EPS15L1: variants seen among roughly 807,000 people sequenced by gnomAD.
EPS15L1 encodes epidermal growth factor receptor substrate 15-like 1.
EPS15L1 carries 43 observed loss-of-function variants against 117.1 expected under a neutral mutation model. The ratio of observed to expected loss-of-function variants is 0.37; its 90% confidence interval spans 0.29 to 0.47. EPS15L1 has a LOEUF of 0.47. Ranked by LOEUF, EPS15L1 falls within the 20% of genes least tolerant of loss-of-function variation. The pLI, the probability that EPS15L1 is intolerant of heterozygous loss-of-function variation, is 0.99. For missense variants in EPS15L1, 981 were observed against 1,164.0 expected (o/e 0.84, Z 2.29); for synonymous variants, 459 against 470.5 (o/e 0.98, Z 0.32).
At chr19:16,364,565 C>G (rs1192399169) in intron 22 of EPS15L1, among the ~76,000 whole-genome samples, 2 of 152,222 alleles carry the variant, frequency 1.3e-5, no homozygotes, top group African/African-American at 4.8e-5. Flanking sequence ...CCTCACACCC[C>G]CACCTTGAGA....
At chr19:16,391,911 G>A (rs1471553302) in intron 19 of EPS15L1, among the ~76,000 whole-genome samples, 3 of 152,198 alleles carry the variant, frequency 2.0e-5, no homozygotes, top group Admixed American at 6.5e-5. Flanking sequence ...CAGGGTGGCC[G>A]GGTCCATGCG....
intron 13 of EPS15L1, among the ~76,000 whole-genome samples, chr19:16,408,461 C>A (rs914702768): frequency 6.6e-6 from 1 of 151,916 alleles, no homozygotes; most frequent in African/African-American, 2.4e-5. Flanking sequence ...CAGTAAAATA[C>A]AAATTTGTAA....
intron 21 of EPS15L1, 37 bp downstream of exon 21, chr19:16,385,092 C>A: frequency 6.5e-7 from 1 of 1,548,688 alleles, no homozygotes; most frequent in Non-Finnish European, 8.9e-7. Context: ...CACAAAGACA[C>A]TAGCAGAGGC....
intron 22 of EPS15L1, among the ~76,000 whole-genome samples, chr19:16,374,860 C>T (rs1462543434): frequency 6.6e-6 from 1 of 152,196 alleles, no homozygotes; most frequent in Non-Finnish European, 1.5e-5. Flanking sequence ...TATGAGCACA[C>T]ACGCACGCAT....
chr19:16,425,102 T>A lies in EPS15L1; in HGVS notation c.773A>T (p.His258Leu), dbSNP rs1456794180. The part of the protein sequence containing the change: ...LNSTGSLSPK[H>L]SLKQTQPTVN... ...CCGTACCTGTGTTTGCTTGAGGCTG[T>A]GCTTGGGGGACAGGCTCCCTGTGCT... The change falls in exon 9 of 24, where the codon CAC becomes CTC. Residue 258 changes from histidine (H) to leucine (L), a missense_variant. Transcript: ENST00000455140. 6.2e-7 allele frequency: 1 copy of A among 1,614,194 alleles called. No individual in the cohort carries two copies. Among genetic ancestry groups the A allele is most frequent in the East Asian group, 2.2e-5 (1 of 44,880 alleles).
At chr19:16,425,690 A>G (rs2092864644) in intron 8 of EPS15L1, among the ~76,000 whole-genome samples, 1 of 152,182 alleles carries the variant, frequency 6.6e-6, no homozygotes. Flanking sequence ...GAGTAGTCCC[A>G]GCTACTTGGG....
intron 16 of EPS15L1, among the ~76,000 whole-genome samples, chr19:16,400,336 C>CAAAAAAAAAAAAAAAAA (rs1162302779): frequency 1.5e-4 from 9 of 60,704 alleles, no homozygotes; most frequent in Admixed American, 5.6e-4. Context: ...GACTCCGTCT[C>CAAAAAAAAAAAAAAAAA]AAAAAAAAAA....
chr19:16,452,348 C>T (rs932065409), intron 1 of EPS15L1, among the ~76,000 whole-genome samples: 1 of 150,164 alleles, frequency 6.7e-6, no homozygotes, highest in African/African-American at 2.5e-5. Context: ...CAGGAGGCTG[C>T]GGCAGGAGAA....
intron 23 of EPS15L1, among the ~76,000 whole-genome samples, chr19:16,359,804 G>C (rs1475611677): frequency 6.6e-6 from 1 of 151,904 alleles, no homozygotes; most frequent in Non-Finnish European, 1.5e-5. Flanking sequence ...CAAGGCTGCA[G>C]TGAAGCTGTG....
intron 1 of EPS15L1, among the ~76,000 whole-genome samples, chr19:16,454,662 G>A (rs1186561194): frequency 6.6e-6 from 1 of 152,146 alleles, no homozygotes; most frequent in African/African-American, 2.4e-5. Context: ...GTGGGGCATG[G>A]CACAGGGGTA....
chr19:16,394,780 TG>T (rs1351162946), intron 17 of EPS15L1, among the ~76,000 whole-genome samples: 1 of 152,160 alleles, frequency 6.6e-6, no homozygotes, highest in Non-Finnish European at 1.5e-5. Context: ...ATTAACCTGC[TG>T]AGGGATTAGG....
At chr19:16,363,786 T>C (rs1183571076) in intron 22 of EPS15L1, among the ~76,000 whole-genome samples, 1 of 152,226 alleles carries the variant, frequency 6.6e-6, no homozygotes, top group African/African-American at 2.4e-5. Context: ...CCCCCTTGCC[T>C]GTAGCCCTAC....
intron 12 of EPS15L1, among the ~76,000 whole-genome samples, chr19:16,416,014 G>C (rs1490191462): frequency 6.6e-6 from 1 of 152,188 alleles, no homozygotes; most frequent in East Asian, 1.9e-4. Flanking sequence ...TGAACATGAA[G>C]TGGGATGCCT....
chr19:16,416,751 G>C (rs1484209565), intron 12 of EPS15L1, among the ~76,000 whole-genome samples: 1 of 152,102 alleles, frequency 6.6e-6, no homozygotes, highest in Non-Finnish European at 1.5e-5. Context: ...AGTGAGCCAT[G>C]ATCACACCAC....
At chr19:16,465,011 G>C (rs188251748) in intron 1 of EPS15L1, among the ~76,000 whole-genome samples, 5 of 151,868 alleles carry the variant, frequency 3.3e-5, no homozygotes, top group African/African-American at 1.2e-4. Flanking sequence ...CCCAGGAGGC[G>C]GAGCTTGCAG....
chr19:16,430,792 T>A (rs910239034), intron 7 of EPS15L1, among the ~76,000 whole-genome samples: 12 of 152,170 alleles, frequency 7.9e-5, no homozygotes, highest in Non-Finnish European at 8.8e-5. Context: ...TGTATAAATA[T>A]GGACACACGG....
intron 23 of EPS15L1, 97 bp downstream of exon 23, chr19:16,361,682 G>C: frequency 1.4e-6 from 2 of 1,472,764 alleles, no homozygotes; most frequent in Non-Finnish European, 1.8e-6. Flanking sequence ...AGAGGCTAAA[G>C]AAGCTGGGAG....
intron 13 of EPS15L1, among the ~76,000 whole-genome samples, chr19:16,407,219 G>A (rs1195132113): frequency 6.6e-6 from 1 of 152,192 alleles, no homozygotes; most frequent in African/African-American, 2.4e-5. Flanking sequence ...ACTTCTCTAA[G>A]AGGGTTCTCA....
intron 1 of EPS15L1, among the ~76,000 whole-genome samples, chr19:16,460,839 G>GGGACAGTCCATCCCCATAACC (rs1380871017): frequency 6.6e-6 from 1 of 152,174 alleles, no homozygotes; most frequent in Non-Finnish European, 1.5e-5. Flanking sequence ...GGAATTGAGG[G>GGGACAGTCCATCCCCATAACC]GGACAGTCCA....
Sources: gnomAD v4.1 joint callset for allele counts (sites outside exome capture counted in the v4.1 genomes callset) on GRCh38, gnomAD v4.1.1 for gene constraint, MANE v1.5 for transcripts, NCBI Gene and HGNC (gene_info 2026-07-23, HGNC 2026-07-21) for gene names.